PACRG: variants seen among roughly 807,000 people sequenced by gnomAD.
PACRG encodes the protein parkin coregulated gene protein.
In PACRG, 29 loss-of-function variants were observed where a neutral mutation model predicts 29.7. The ratio of observed to expected loss-of-function variants is 0.98; its 90% confidence interval spans 0.73 to 1.33. The LOEUF (loss-of-function observed/expected upper bound fraction) is 1.33, where lower values mean the gene tolerates loss of function less well. Ranked by LOEUF, PACRG falls within the 40% of genes most tolerant of loss-of-function variation. The pLI is 0.00. For missense variants in PACRG, 279 were observed against 316.2 expected, an observed-to-expected ratio of 0.88 and a Z score of 0.89; for synonymous variants, 116 against 118.7, an observed-to-expected ratio of 0.98 and a Z score of 0.15.
intron 2 of PACRG, among the ~76,000 whole-genome samples, chr6:162,895,483 TCTTTA>T (rs1028537221): frequency 5.9e-5 from 9 of 152,294 alleles, no homozygotes; most frequent in Non-Finnish European, 1.3e-4. Context: ...CATTTCTTAA[TCTTTA>T]CTTTGTATCA....
intron 1 of PACRG, among the ~76,000 whole-genome samples, chr6:162,780,321 G>C (rs1584330181): frequency 6.6e-6 from 1 of 152,194 alleles, no homozygotes; most frequent in East Asian, 1.9e-4. Context: ...ACCTAACAAA[G>C]CTTAAAGGCA....
chr6:163,057,632 G>A (rs1302074507), intron 2 of PACRG, among the ~76,000 whole-genome samples: 1 of 152,098 alleles, frequency 6.6e-6, no homozygotes, highest in Non-Finnish European at 1.5e-5. Flanking sequence ...CAGACTGGTA[G>A]GCTCTTTTTA....
At chr6:163,144,158 G>A (rs1396846610) in intron 4 of PACRG, among the ~76,000 whole-genome samples, 12 of 148,164 alleles carry the variant, frequency 8.1e-5, no homozygotes, top group Admixed American at 2.8e-4. Flanking sequence ...AAACCTGGGA[G>A]GCAGAGATTG....
intron 1 of PACRG, among the ~76,000 whole-genome samples, chr6:162,775,698 A>G (rs985993749): frequency 1.3e-4 from 20 of 152,172 alleles, no homozygotes; most frequent in Non-Finnish European, 2.9e-5. Flanking sequence ...GTGATGTTTT[A>G]TCTTCACTTC....
At chr6:163,200,435 T>C (rs908019439) in intron 4 of PACRG, among the ~76,000 whole-genome samples, 1 of 152,110 alleles carries the variant, frequency 6.6e-6, no homozygotes, top group Admixed American at 6.5e-5. Flanking sequence ...TTGCGTGACC[T>C]CGCGCAAAGG....
chr6:162,886,471 C>A (rs538649966), intron 2 of PACRG, among the ~76,000 whole-genome samples: 3 of 152,296 alleles, frequency 2.0e-5, no homozygotes, highest in African/African-American at 7.2e-5. Context: ...TTCATACAAT[C>A]ACATGGCACG....
rs1399619180 is a variant in PACRG at position 162,871,644 on chromosome 6, C to T, written c.291+57363C>T. ...TCTTAAAGACTACTTCTCGGCTGGG[C>T]GCGGTGGCTCACGCCTGTAATCCCA... On this transcript the variant is annotated intron_variant, in intron 2 of 4. Transcript: ENST00000366888. 4.6e-5 allele frequency among the ~76,000 whole-genome samples: 7 copies of T among 151,896 alleles called. 1 individual carries two copies. The South Asian group carries it at 1.2e-3, about 27-fold the overall frequency.
At chr6:163,216,691 G>A (rs956296208) in intron 4 of PACRG, among the ~76,000 whole-genome samples, 4 of 152,102 alleles carry the variant, frequency 2.6e-5, no homozygotes, top group African/African-American at 9.7e-5. Context: ...ATATGCACAT[G>A]TACACACAAC....
chr6:162,904,420 C>T (rs887595683), intron 2 of PACRG, among the ~76,000 whole-genome samples: 19 of 152,176 alleles, frequency 1.2e-4, no homozygotes, highest in African/African-American at 1.9e-4. Flanking sequence ...GTTGAAGGGC[C>T]TGCTAGAGAA....
At chr6:163,006,296 G>A (rs1200821638) in intron 2 of PACRG, among the ~76,000 whole-genome samples, 1 of 147,184 alleles carries the variant, frequency 6.8e-6, no homozygotes, top group African/African-American at 2.6e-5. Flanking sequence ...GGGTAAATGG[G>A]GTATCCAAAA....
At chr6:162,764,910 T>C (rs769871906) in intron 1 of PACRG, among the ~76,000 whole-genome samples, 3 of 151,274 alleles carry the variant, frequency 2.0e-5, no homozygotes, top group Non-Finnish European at 4.4e-5. Context: ...CACCCGGCTA[T>C]TTTTTTTGTA....
intron 2 of PACRG, among the ~76,000 whole-genome samples, chr6:163,019,167 G>A (rs1366399883): frequency 6.6e-6 from 1 of 152,132 alleles, no homozygotes; most frequent in Non-Finnish European, 1.5e-5. Context: ...GAGACATTAT[G>A]ATATTTCTTA....
At chr6:162,966,143 A>C (rs1358525139) in intron 2 of PACRG, among the ~76,000 whole-genome samples, 2 of 152,212 alleles carry the variant, frequency 1.3e-5, no homozygotes, top group Non-Finnish European at 2.9e-5. Flanking sequence ...TTGAGAAGGA[A>C]TTTATTAGGG....
intron 2 of PACRG, among the ~76,000 whole-genome samples, chr6:162,893,500 C>T (rs1361254367): frequency 1.3e-5 from 2 of 152,150 alleles, no homozygotes; most frequent in African/African-American, 2.4e-5. Context: ...TCCCAACAGT[C>T]AAGGAAGCCC....
chr6:163,112,408 G>A (rs1243735582), intron 4 of PACRG, among the ~76,000 whole-genome samples: 1 of 152,186 alleles, frequency 6.6e-6, no homozygotes, highest in Non-Finnish European at 1.5e-5. Context: ...GGGGACCTGT[G>A]TTCTGATTGC....
At chr6:162,841,305 C>A (rs1171946844) in intron 2 of PACRG, among the ~76,000 whole-genome samples, 23 of 147,778 alleles carry the variant, frequency 1.6e-4, no homozygotes, top group Admixed American at 5.4e-4. Context: ...GATTCAACTT[C>A]TTCCTGGTTT....
intron 2 of PACRG, among the ~76,000 whole-genome samples, chr6:163,058,167 A>T (rs1810753653): frequency 6.6e-6 from 1 of 152,228 alleles, no homozygotes; most frequent in Non-Finnish European, 1.5e-5. Context: ...AACAGTTCAA[A>T]AGAAAAAGAA....
In PACRG at chr6:162,728,373, C is replaced by T. The variant is rs755357804; in HGVS notation, c.138C>T (p.Ala46=). Residue 46 remains alanine (A), a synonymous_variant, in exon 1 of 5, where the codon GCC becomes GCT. Transcript: ENST00000366888. ...TTTCTGAGGGTTTCACAGTCAAAGC[C>T]ATGATGAAAAACTCAGTCGTAAGTG... is the stretch of plus-strand genomic sequence containing the variant. The part of the protein sequence containing the change: ...SLVSEGFTVK[A]MMKNSVVRGP... 3.1e-6 allele frequency: 5 copies of T among 1,612,800 alleles called. No homozygotes were observed. The highest frequency in any genetic ancestry group is 3.3e-5 in the Admixed American group (2 of 59,968).
At chr6:163,101,344 G>C (rs1235442892) in intron 4 of PACRG, 2 of 980,964 alleles carry the variant, frequency 2.0e-6, no homozygotes, top group African/African-American at 3.5e-5. Context: ...CATGCTAGTT[G>C]GATATTTATT....
Sources: allele counts gnomAD v4.1 joint callset (sites outside exome capture counted in the v4.1 genomes callset), GRCh38; gene constraint gnomAD v4.1.1; transcripts MANE v1.5; gene names NCBI Gene and HGNC (gene_info 2026-07-23, HGNC 2026-07-21).